The following SND1 variants were observed in gnomAD, a reference collection of about 807,000 sequenced individuals.
SND1 encodes the protein staphylococcal nuclease and tudor domain containing 1.
SND1 carries 38 observed loss-of-function variants against 121.7 expected under a neutral mutation model. The observed-to-expected ratio is 0.31, with a 90% CI of 0.24 to 0.41. The LOEUF is 0.41. Among genes scored for constraint, SND1 ranks in the 10% least tolerant of loss-of-function variants. The probability of loss-of-function intolerance (pLI) is 1.00; values close to 1 mark genes in which losing one functional copy is unlikely to be tolerated. For missense variants in SND1, 868 were observed against 1,184.6 expected, an observed-to-expected ratio of 0.73 and a Z score of 3.92; for synonymous variants, 401 against 447.4, an observed-to-expected ratio of 0.90 and a Z score of 1.31.
At chr7:127,886,162 G>C (rs1205456553) in intron 12 of SND1, among the ~76,000 whole-genome samples, 2 of 152,102 alleles carry the variant, frequency 1.3e-5, no homozygotes, top group Non-Finnish European at 2.9e-5. Context: ...TGGATTTTGA[G>C]AAGTGCTAAT....
chr7:128,044,095 C>A (rs1055158348), intron 16 of SND1, among the ~76,000 whole-genome samples: 2 of 152,180 alleles, frequency 1.3e-5, no homozygotes, highest in African/African-American at 4.8e-5. Context: ...TTACCCAAGA[C>A]TCATTGCTTT....
At chr7:128,075,972 C>T (rs1222024509) in intron 17 of SND1, among the ~76,000 whole-genome samples, 1 of 152,224 alleles carries the variant, frequency 6.6e-6, no homozygotes, top group Non-Finnish European at 1.5e-5. Flanking sequence ...GCTGGGGCCT[C>T]CTGTTTAAAG....
At chr7:127,814,722 A>T (rs775488144) in intron 11 of SND1, among the ~76,000 whole-genome samples, 1 of 152,100 alleles carries the variant, frequency 6.6e-6, no homozygotes, top group Non-Finnish European at 1.5e-5. Flanking sequence ...ATGTAAGTGG[A>T]TCTCTTTTTG....
chr7:127,673,657 T>A (rs142424307), intron 1 of SND1, among the ~76,000 whole-genome samples: 112 of 152,344 alleles, frequency 7.4e-4, no homozygotes, highest in Non-Finnish European at 1.3e-3. Flanking sequence ...ACACAATTAT[T>A]TTCTAATTCC....
rs751441925 is a variant in SND1 at position 128,074,481 on chromosome 7, AC to A, written c.1780-20del. The A allele has an allele frequency of 5.6e-6, 9 of 1,599,776 alleles. No homozygotes were observed. In the African/African-American group the frequency reaches 1.2e-4, roughly 21 times the overall value. On this transcript the variant is annotated intron_variant, in intron 16 of 23. Transcript: ENST00000354725. ...ACTCAGGCCTGGCCCCCACAGGCTT[AC>A]GCCTGTCTCTCTGTCCCAGGTGGAG...
chr7:127,893,500 C>CT (rs1475471928), intron 13 of SND1, among the ~76,000 whole-genome samples: 2 of 152,040 alleles, frequency 1.3e-5, no homozygotes, highest in Admixed American at 1.3e-4. Context: ...TTTAAGGTAT[C>CT]TTTTAATTCT....
At position 127,869,159 on chromosome 7, in the gene SND1, G is replaced by A. The variant is rs138546419; in HGVS notation, c.1344-18743G>A. On this transcript the variant is annotated intron_variant, in intron 12 of 23. Transcript: ENST00000354725. ...GAGTCAGGGAGGCCTCAGTGGCAAG[G>A]TATCAGGAGCAAGGACCTGAAGGAT... is the stretch of plus-strand genomic sequence containing the variant. 4.0e-3 allele frequency among the ~76,000 whole-genome samples: 603 copies of A among 152,252 alleles called. 10 individuals carry two copies. Among genetic ancestry groups the A allele is most frequent in the East Asian group, 0.027 (139 of 5,178 alleles).
intron 12 of SND1, among the ~76,000 whole-genome samples, chr7:127,849,121 T>A (rs73721015): frequency 0.017 from 2,594 of 152,366 alleles, 94 homozygotes; most frequent in African/African-American, 0.059. Context: ...GGGAATTAGC[T>A]GATCGTTTTA....
intron 15 of SND1, among the ~76,000 whole-genome samples, chr7:127,932,615 C>G (rs553811275): frequency 2.6e-5 from 4 of 152,306 alleles, no homozygotes; most frequent in African/African-American, 9.6e-5. Context: ...GCATTCCATG[C>G]TACAGAGAAA....
intron 16 of SND1, among the ~76,000 whole-genome samples, chr7:128,066,477 A>G (rs928220269): frequency 6.6e-6 from 1 of 152,170 alleles, no homozygotes; most frequent in Non-Finnish European, 1.5e-5. Context: ...TGGGGATCAG[A>G]ACCACATTGC....
intron 15 of SND1, among the ~76,000 whole-genome samples, chr7:127,963,354 C>T (rs1801778258): frequency 6.9e-6 from 1 of 145,810 alleles, no homozygotes; most frequent in Non-Finnish European, 1.5e-5. Flanking sequence ...GCTGCACCCA[C>T]TAACTCGTCA....
intron 16 of SND1, among the ~76,000 whole-genome samples, chr7:128,064,708 A>G (rs1296922725): frequency 3.3e-5 from 5 of 152,202 alleles, no homozygotes; most frequent in African/African-American, 9.7e-5. Context: ...GGGACTGTCT[A>G]CAGCTTAAAA....
At chr7:128,076,510 TC>T (rs1230536521) in intron 17 of SND1, among the ~76,000 whole-genome samples, 1 of 152,150 alleles carries the variant, frequency 6.6e-6, no homozygotes, top group African/African-American at 2.4e-5. Flanking sequence ...AGGGGCTGTT[TC>T]CCAGGAGCAG....
Position 128,089,680 on chromosome 7 carries a change from G to A in SND1, c.2610G>A (p.Gln870=), listed in dbSNP as rs771862619. Residue 870 remains glutamine (Q), a synonymous_variant, in exon 22 of 24, where the codon CAG becomes CAA. Transcript: ENST00000354725. ...TGGTGGAGGTGCGCAAGGAGAAACA[G>A]TTCCAGAAAGTGGTATGTGATGTGG... ...LVMVEVRKEK[Q]FQKVITEYLN... 12 of 1,614,116 alleles carry A rather than the reference G, an allele frequency of 7.4e-6. No individual in the cohort carries two copies. Among genetic ancestry groups the A allele is most frequent in the Non-Finnish European group, 1.0e-5 (12 of 1,180,004 alleles).
chr7:127,954,969 G>A (rs1801559115), intron 15 of SND1, among the ~76,000 whole-genome samples: 1 of 152,164 alleles, frequency 6.6e-6, no homozygotes, highest in South Asian at 2.1e-4. Context: ...TTTAGAATGA[G>A]TATCCCTAGT....
chr7:128,069,389 C>G (rs1390613436), intron 16 of SND1, among the ~76,000 whole-genome samples: 1 of 152,114 alleles, frequency 6.6e-6, no homozygotes, highest in Non-Finnish European at 1.5e-5. Context: ...TGCACAGGAC[C>G]CCTCCTCATT....
intron 16 of SND1, among the ~76,000 whole-genome samples, chr7:128,065,317 T>C (rs1793294544): frequency 6.6e-6 from 1 of 152,038 alleles, no homozygotes; most frequent in Non-Finnish European, 1.5e-5. Flanking sequence ...GGAAACCCAC[T>C]GTGGTTCAGG....
At chr7:128,077,312 T>TG (rs1211644573) in intron 17 of SND1, among the ~76,000 whole-genome samples, 1 of 152,184 alleles carries the variant, frequency 6.6e-6, no homozygotes, top group African/African-American at 2.4e-5. Flanking sequence ...GAGGAGGAAA[T>TG]GCAGGGAAGA....
chr7:127,745,574 C>G (rs536435351), intron 10 of SND1, among the ~76,000 whole-genome samples: 1 of 152,144 alleles, frequency 6.6e-6, no homozygotes, highest in Non-Finnish European at 1.5e-5. Flanking sequence ...CCTACCATAG[C>G]ATGCCATCAG....
Sources: gnomAD v4.1 joint callset for allele counts (sites outside exome capture counted in the v4.1 genomes callset) on GRCh38, gnomAD v4.1.1 for gene constraint, MANE v1.5 for transcripts, NCBI Gene and HGNC (gene_info 2026-07-23, HGNC 2026-07-21) for gene names.